UTP14C: variants seen among roughly 807,000 people sequenced by gnomAD.
UTP14C encodes the protein UTP14C small subunit processome component.
In UTP14C, 10 loss-of-function variants were observed where a neutral mutation model predicts 14.6. The observed-to-expected ratio is 0.68, with a 90% CI of 0.42 to 1.16. The LOEUF is 1.16. UTP14C is among the 50% of genes most tolerant of loss of function. The pLI, the probability that UTP14C is intolerant of heterozygous loss-of-function variation, is 0.00. For missense variants in UTP14C, 818 were observed against 890.8 expected, an observed-to-expected ratio of 0.92 and a Z score of 1.04; for synonymous variants, 315 against 331.6, an observed-to-expected ratio of 0.95 and a Z score of 0.54.
chr13:52,033,031 A>T lies in UTP14C; in HGVS notation c.*1926A>T, dbSNP rs1325608929. 4 of 167,110 alleles carry T rather than the reference A, an allele frequency of 2.4e-5. No homozygotes were observed. The highest frequency in any genetic ancestry group is 7.2e-5 in the African/African-American group (3 of 41,456). The allele number at this position is 167,110 out of a possible 1,614,324, so 10.4% of individuals were successfully genotyped here. ...AGAAAAAGTTTTCTGGAATTCCGTAAATTATATTTTAAGCTTATTTCTTCA... is the reference window on the plus strand; with the variant it reads ...AGAAAAAGTTTTCTGGAATTCCGTATATTATATTTTAAGCTTATTTCTTCA... On this transcript the variant is annotated 3_prime_UTR_variant, in exon 2 of 2. Transcript: ENST00000521776.
At position 52,028,774 on chromosome 13, in the gene UTP14C, T is replaced by G. The variant is rs1954266768; in HGVS notation, c.-31T>G. The stretch of plus-strand genomic sequence containing the variant: ...GATGACTAGCCTTCGGCTTCCATTC[T>G]TGGTATACATGAGAGAGGCTGGCTG... On this transcript the variant is annotated 5_prime_UTR_variant, in exon 2 of 2. Transcript: ENST00000521776. The G allele has an allele frequency of 6.2e-7, 1 of 1,614,202 alleles. No individual in the cohort carries two copies.
rs144883776 is a variant in UTP14C, at chr13:52,024,767, G to T, written c.-657G>T. ...AAACTTGTCCTCATTGGAGGTTGTC[G>T]TAACAAAGATGATGAACTTAGGGTA... On this transcript the variant is annotated 5_prime_UTR_variant, in exon 1 of 2. Transcript: ENST00000521776. 6.2e-7 allele frequency: 1 copy of T among 1,614,198 alleles called. No homozygotes were observed. The highest frequency in any genetic ancestry group is 1.7e-5 in the Admixed American group (1 of 60,032).
In UTP14C at chr13:52,031,831, C is replaced by T. The variant is rs1421430649; in HGVS notation, c.*726C>T. 17 of 167,094 alleles carry T rather than the reference C, an allele frequency of 1.0e-4. No homozygotes were observed. Among genetic ancestry groups the T allele is most frequent in the Non-Finnish European group, 2.5e-4 (17 of 68,124 alleles). The allele number at this position is 167,094 out of a possible 1,614,324, so 10.4% of individuals were successfully genotyped here. A position where few individuals can be genotyped will look rare whatever the true frequency, so the allele number is the denominator to read the frequency against. ...GCTGCTCCTTTATCTTTCTGAGTCT[C>T]AGATTCTTCATCTGTAATCTGGAGT... On this transcript the variant is annotated 3_prime_UTR_variant, in exon 2 of 2. Coordinates refer to ENST00000521776, the MANE Select transcript of UTP14C (RefSeq NM_021645.6).
At chr13:52,025,042 T>C in intron 1 of UTP14C, 105 bp downstream of exon 1, 1 of 1,284,050 alleles carries the variant, frequency 7.8e-7, no homozygotes, top group Non-Finnish European at 1.1e-6. Flanking sequence ...GCCCTAATTC[T>C]CTTGCCCTCA....
rs1461917596 is a variant in UTP14C at position 52,029,125 on chromosome 13, T to G, written c.321T>G (p.Asn107Lys). Residue 107 changes from asparagine to lysine, a missense_variant, in exon 2 of 2, where the codon AAT becomes AAG. Transcript: ENST00000521776. ...TGGCCACTGTAAAAAAGCAACTGAA[T>G]AGAGTCAAATCAAAGAAGGTGGTGG... is the stretch of plus-strand genomic sequence containing the variant. ...SSLATVKKQL[N>K]RVKSKKVVEL... 1 of 1,614,162 alleles carries G rather than the reference T, an allele frequency of 6.2e-7. No homozygotes were observed.
rs1256941694 is a variant in UTP14C, at chr13:52,030,298, A to G, written c.1494A>G (p.Leu498=). The G allele has an allele frequency of 6.2e-6, 10 of 1,614,228 alleles. No homozygotes were observed. The highest frequency in any genetic ancestry group is 1.7e-5 in the Admixed American group (1 of 60,032). The change falls in exon 2 of 2, where the codon CTA becomes CTG. Residue 498 remains leucine (L), a synonymous_variant. Coordinates refer to ENST00000521776, the MANE Select transcript of UTP14C (RefSeq NM_021645.6). Reference sequence around the variant, plus strand: ...CTGCCCCAGAAGAAGCGGAACCCCTATTGCTACAGAGGTCAGAGAGAGTAC... The same window carrying G: ...CTGCCCCAGAAGAAGCGGAACCCCTGTTGCTACAGAGGTCAGAGAGAGTAC... ...EEPAPEEAEP[L]LLQRSERVQT...
Position 52,029,272 on chromosome 13 carries a change from G to A in UTP14C, c.468G>A (p.Leu156=), listed in dbSNP as rs1954272597. ...IILKNQQAEQ[L]VFPLGKEQPA... ...TGAAGAACCAGCAGGCAGAGCAGCTGGTTTTTCCCCTGGGGAAGGAGCAGC... is the reference window on the plus strand; with the variant it reads ...TGAAGAACCAGCAGGCAGAGCAGCTAGTTTTTCCCCTGGGGAAGGAGCAGC... The change falls in exon 2 of 2, where the codon CTG becomes CTA. Residue 156 remains leucine (L), a synonymous_variant. Transcript: ENST00000521776. 1 of 1,614,188 alleles carries A rather than the reference G, an allele frequency of 6.2e-7. No individual in the cohort carries two copies. Among genetic ancestry groups the A allele is most frequent in the Non-Finnish European group, 8.5e-7 (1 of 1,180,034 alleles).
Position 52,029,233 on chromosome 13 carries a change from G to A in UTP14C, c.429G>A (p.Trp143Ter). The change falls in exon 2 of 2, where the codon TGG becomes TGA. Residue 143 changes from tryptophan to a stop codon, truncating the protein, a stop_gained. Coordinates refer to ENST00000521776, the MANE Select transcript of UTP14C (RefSeq NM_021645.6). LOFTEE classifies it low-confidence loss of function (END_TRUNC). ...FSKTSQVLSK[W>*]DPIILKNQQA... ...AAACCTCACAGGTCCTCTCCAAATG[G>A]GACCCTATCATCCTGAAGAACCAGC... The A allele has an allele frequency of 6.2e-7, 1 of 1,614,122 alleles. No individual in the cohort carries two copies. Among genetic ancestry groups the A allele is most frequent in the Non-Finnish European group, 8.5e-7 (1 of 1,180,028 alleles).
intron 1 of UTP14C, among the ~76,000 whole-genome samples, chr13:52,026,059 C>T (rs1008140306): frequency 1.3e-5 from 2 of 152,224 alleles, no homozygotes; most frequent in Non-Finnish European, 2.9e-5. Context: ...CTGGTGGTAC[C>T]AACAGGCTAC....
At chr13:52,026,235 T>G (rs1328897920) in intron 1 of UTP14C, among the ~76,000 whole-genome samples, 2 of 152,018 alleles carry the variant, frequency 1.3e-5, no homozygotes, top group African/African-American at 4.8e-5. Context: ...ACAATAGAGG[T>G]TAGCCAGGAG....
chr13:52,028,684 C>G lies in UTP14C; in HGVS notation c.-121C>G. ...CTAAATTCAATCTCATTTGTCAAAT[C>G]ATTTTACTTTAGAAAACAGACAAAA... On this transcript the variant is annotated 5_prime_UTR_variant, in exon 2 of 2. The change creates a new upstream start codon in the 5' untranslated region. Coordinates refer to ENST00000521776, the MANE Select transcript of UTP14C (RefSeq NM_021645.6). The G allele has an allele frequency of 1.3e-6, 2 of 1,559,828 alleles. No individual in the cohort carries two copies. Among genetic ancestry groups the G allele is most frequent in the Non-Finnish European group, 1.8e-6 (2 of 1,142,246 alleles).
At position 52,030,782 on chromosome 13, in the gene UTP14C, G is replaced by A; in HGVS notation, c.1978G>A (p.Asp660Asn). ...AGCCCCTGAGGGTCCTCCAAGAAAA[G>A]ATAAGAATTTGCCAAATGTGATTAT... is the stretch of plus-strand genomic sequence containing the variant. The part of the protein sequence containing the change: ...IKAPEGPPRK[D>N]KNLPNVIISE... The change falls in exon 2 of 2, where the codon GAT (aspartate) becomes AAT (asparagine). Residue 660 changes from aspartate to asparagine, a missense_variant. By Grantham distance (23) the Asp-to-Asn change is conservative. Coordinates refer to ENST00000521776, the MANE Select transcript of UTP14C (RefSeq NM_021645.6). The A allele has an allele frequency of 6.2e-7, 1 of 1,614,180 alleles. No individual in the cohort carries two copies. Among genetic ancestry groups the A allele is most frequent in the Admixed American group, 1.7e-5 (1 of 60,022 alleles).
At position 52,029,030 on chromosome 13, in the gene UTP14C, A is replaced by G; in HGVS notation, c.226A>G (p.Ser76Gly). The change falls in exon 2 of 2, where the codon AGT becomes GGT. Residue 76 changes from serine to glycine, a missense_variant. Physicochemically the swap from Ser to Gly is moderately conservative, Grantham distance 56. Transcript: ENST00000521776. ...TCTGAAAGTGTCAGAGTTCAGTGTC[A>G]GTTCTGAAGGATCAGGAGAAAAGCT... ...ASLKVSEFSV[S>G]SEGSGEKLGL... 6.2e-7 allele frequency: 1 copy of G among 1,614,250 alleles called. No homozygotes were observed.
In UTP14C at chr13:52,029,567, G is replaced by T; in HGVS notation, c.763G>T (p.Val255Leu). Residue 255 changes from valine (V) to leucine (L), a missense_variant, in exon 2 of 2, where the codon GTG becomes TTG. Val to Leu is a conservative substitution (Grantham distance 32). Transcript: ENST00000521776. ...KIKSKKYHKV[V>L]KKGKAKKALK... Reference sequence around the variant, plus strand: ...CAAAAGTAAAAAGTATCACAAAGTCGTGAAGAAAGGAAAGGCCAAGAAAGC... The same window carrying T: ...CAAAAGTAAAAAGTATCACAAAGTCTTGAAGAAAGGAAAGGCCAAGAAAGC... 6 of 1,614,200 alleles carry T rather than the reference G, an allele frequency of 3.7e-6. No homozygotes were observed. Among genetic ancestry groups the T allele is most frequent in the Non-Finnish European group, 5.1e-6 (6 of 1,180,050 alleles).
chr13:52,030,400 A>C lies in UTP14C; in HGVS notation c.1596A>C (p.Glu532Asp). The stretch of plus-strand genomic sequence containing the variant: ...AGGAGCTTCCCAGACCTGTGTTAGA[A>C]GGACAGCAGTCAGAGAGGACCCCAA... ...QNKELPRPVLEGQQSERTPNN... is the reference protein window; with the variant it reads ...QNKELPRPVLDGQQSERTPNN... The change falls in exon 2 of 2, where the codon GAA becomes GAC. Residue 532 changes from glutamate (E) to aspartate (D), a missense_variant. Transcript: ENST00000521776. 6.2e-7 allele frequency: 1 copy of C among 1,614,222 alleles called. No homozygotes were observed. The highest frequency in any genetic ancestry group is 8.5e-7 in the Non-Finnish European group (1 of 1,180,038).
chr13:52,028,684 C>T lies in UTP14C; in HGVS notation c.-121C>T. 1.3e-6 allele frequency: 2 copies of T among 1,559,828 alleles called. No homozygotes were observed. The highest frequency in any genetic ancestry group is 2.3e-5 in the South Asian group (2 of 87,618). On this transcript the variant is annotated 5_prime_UTR_variant, in exon 2 of 2. Coordinates refer to ENST00000521776, the MANE Select transcript of UTP14C (RefSeq NM_021645.6). ...CTAAATTCAATCTCATTTGTCAAAT[C>T]ATTTTACTTTAGAAAACAGACAAAA...
At chr13:52,025,052 A>G in intron 1 of UTP14C, 115 bp downstream of exon 1, 3 of 1,183,510 alleles carry the variant, frequency 2.5e-6, no homozygotes, top group Non-Finnish European at 3.7e-6. Context: ...TCTTGCCCTC[A>G]TCCACCAAAT....
Position 52,030,985 on chromosome 13 carries a change from C to A in UTP14C, c.2181C>A (p.Ile727=), listed in dbSNP as rs768422082. The A allele has an allele frequency of 6.8e-6, 11 of 1,614,056 alleles. No homozygotes were observed. The Admixed American group carries it at 1.0e-4, about 15-fold the overall frequency. ...TPKVVTKPGH[I]IKPIKAEDVG... ...AGGTCGTCACCAAGCCAGGCCATAT[C>A]ATTAAGCCCATAAAAGCAGAGGATG... The change falls in exon 2 of 2, where the codon ATC becomes ATA. Residue 727 remains isoleucine (I), a synonymous_variant. Coordinates refer to ENST00000521776, the MANE Select transcript of UTP14C (RefSeq NM_021645.6).
rs1954266191 is a variant in UTP14C, at chr13:52,028,712, TC to T, written c.-91del. The stretch of plus-strand genomic sequence containing the variant: ...TTTACTTTAGAAAACAGACAAAATT[TC>T]CTTTTAGAATAAAAGGAAGTGTTGA... On this transcript the variant is annotated 5_prime_UTR_variant, in exon 2 of 2. Transcript: ENST00000521776. 6.3e-7 allele frequency: 1 copy of T among 1,585,424 alleles called. No homozygotes were observed. The highest frequency in any genetic ancestry group is 1.3e-5 in the African/African-American group (1 of 74,206).
Sources: allele counts gnomAD v4.1 joint callset (sites outside exome capture counted in the v4.1 genomes callset), GRCh38; gene constraint gnomAD v4.1.1; transcripts MANE v1.5; gene names NCBI Gene and HGNC (gene_info 2026-07-23, HGNC 2026-07-21).